The following PDE2A variants were observed in gnomAD, a reference collection of about 807,000 sequenced individuals.
The protein encoded by PDE2A is phosphodiesterase 2A, also known as cGMP-dependent 3',5'-cyclic phosphodiesterase.
A neutral mutation model predicts 133.6 loss-of-function variants in PDE2A; 53 were observed. The ratio of observed to expected loss-of-function variants is 0.40; its 90% CI spans 0.32 to 0.50. PDE2A has a LOEUF of 0.50. PDE2A is among the 20% of genes least tolerant of loss of function. The probability of loss-of-function intolerance (pLI) is 0.73; values close to 1 mark genes in which losing one functional copy is unlikely to be tolerated. For missense variants in PDE2A, 796 were observed against 1,232.4 expected (o/e 0.65, Z 5.30); for synonymous variants, 491 against 490.2 (o/e 1.00, Z -0.02).
chr11:72,584,169 A>ACCCCCCCCCCCACCCC, intron 19 of PDE2A, 32 bp downstream of exon 19: 1 of 877,936 alleles, frequency 1.1e-6, no homozygotes, highest in Non-Finnish European at 1.8e-6. Context: ...GCCCCCTATC[A>ACCCCCCCCCCCACCCC]CCCCACACCC....
intron 2 of PDE2A, among the ~76,000 whole-genome samples, chr11:72,610,383 G>A (rs1857152757): frequency 6.6e-6 from 1 of 152,210 alleles, no homozygotes; most frequent in African/African-American, 2.4e-5. Flanking sequence ...GTGCACAAGA[G>A]TGGGCTGAAT....
chr11:72,658,025 A>G, intron 1 of PDE2A: 1 of 456,352 alleles, frequency 2.2e-6, no homozygotes, highest in Non-Finnish European at 4.4e-6. Context: ...CCTGGCAGGC[A>G]TGTACCAGGC....
chr11:72,620,665 G>A (rs1049755631), intron 2 of PDE2A, among the ~76,000 whole-genome samples: 3 of 152,108 alleles, frequency 2.0e-5, no homozygotes, highest in Admixed American at 6.6e-5. Context: ...CCACCCTCCC[G>A]ACCGGGACCA....
At chr11:72,589,684 C>T in intron 11 of PDE2A, 67 bp downstream of exon 11, 2 of 1,354,146 alleles carry the variant, frequency 1.5e-6, no homozygotes, top group South Asian at 1.2e-5. Flanking sequence ...CAGGCAGATC[C>T]CAGGAGTGTC....
intron 1 of PDE2A, among the ~76,000 whole-genome samples, chr11:72,670,816 G>C (rs1276545307): frequency 6.6e-6 from 1 of 152,156 alleles, no homozygotes; most frequent in Non-Finnish European, 1.5e-5. Context: ...CTGCGGAGAA[G>C]ACCCAGGACA....
intron 1 of PDE2A, among the ~76,000 whole-genome samples, chr11:72,645,047 A>G (rs1270520885): frequency 6.6e-6 from 1 of 152,178 alleles, no homozygotes; most frequent in African/African-American, 2.4e-5. Context: ...GAGCCACTGC[A>G]CCCAGCCAAG....
intron 1 of PDE2A, among the ~76,000 whole-genome samples, chr11:72,647,173 G>A (rs1029707634): frequency 2.0e-5 from 3 of 152,214 alleles, no homozygotes; most frequent in Non-Finnish European, 2.9e-5. Context: ...TAGACTGTAA[G>A]TCTTTTCCTA....
intron 2 of PDE2A, among the ~76,000 whole-genome samples, chr11:72,615,528 G>T (rs1270501451): frequency 6.6e-6 from 1 of 152,182 alleles, no homozygotes; most frequent in Non-Finnish European, 1.5e-5. Flanking sequence ...TGAGTGTGGG[G>T]AGGGGGAGGA....
intron 2 of PDE2A, among the ~76,000 whole-genome samples, chr11:72,630,083 A>G (rs1006894990): frequency 6.6e-6 from 1 of 152,096 alleles, no homozygotes. Flanking sequence ...CCCTTTGAGC[A>G]CTGAAGAGTC....
chr11:72,644,601 C>A (rs1269436960), intron 1 of PDE2A, among the ~76,000 whole-genome samples: 2 of 152,204 alleles, frequency 1.3e-5, no homozygotes, highest in African/African-American at 2.4e-5. Context: ...GTTACTTGTT[C>A]TTCAGGGGAG....
Position 72,582,442 on chromosome 11 carries a change from A to G in PDE2A, c.1851+2T>C, listed in dbSNP as rs1183212518. The G allele has an allele frequency of 6.2e-7, 1 of 1,613,608 alleles. No homozygotes were observed. ...CCAGTCAAGTGGAGGAGAGCAACTC[A>G]CCATGGACGTGTCATCCTCGGGCAG... On this transcript the variant is annotated splice_donor_variant, in intron 21 of 30. Transcript: ENST00000334456. LOFTEE classifies it high-confidence loss of function.
At position 72,648,998 on chromosome 11, in the gene PDE2A, C is replaced by A. The variant is rs539453795; in HGVS notation, c.72-6672G>T. On this transcript the variant is annotated intron_variant, in intron 1 of 30. Transcript: ENST00000334456. The stretch of plus-strand genomic sequence containing the variant: ...CTGGCTGGAGTCATCTTTTCCACAC[C>A]TAAATCTGATTCTGCCTCACCCCCA... 2.0e-5 allele frequency among the ~76,000 whole-genome samples: 3 copies of A among 152,292 alleles called. 1 individual carries two copies. The South Asian group carries it at 6.2e-4, about 32-fold the overall frequency.
chr11:72,636,529 G>A (rs1858704273), intron 2 of PDE2A, among the ~76,000 whole-genome samples: 1 of 152,156 alleles, frequency 6.6e-6, no homozygotes, highest in South Asian at 2.1e-4. Context: ...CTCCTCTGAG[G>A]CTTTTCCAAG....
intron 2 of PDE2A, among the ~76,000 whole-genome samples, chr11:72,625,447 G>T (rs1858010349): frequency 6.6e-6 from 1 of 152,240 alleles, no homozygotes; most frequent in South Asian, 2.1e-4. Flanking sequence ...GCTGCTGAAA[G>T]CCTGAGGAGT....
At chr11:72,588,390 TC>T (rs1467348427) in intron 13 of PDE2A, among the ~76,000 whole-genome samples, 1 of 151,938 alleles carries the variant, frequency 6.6e-6, no homozygotes, top group African/African-American at 2.4e-5. Context: ...GCTCAAAAGA[TC>T]CACAGCTTTT....
chr11:72,635,306 C>T (rs909055851), intron 2 of PDE2A, among the ~76,000 whole-genome samples: 1 of 152,180 alleles, frequency 6.6e-6, no homozygotes, highest in Non-Finnish European at 1.5e-5. Flanking sequence ...GGAGGGAGCG[C>T]CCACCATTCT....
At chr11:72,629,533 A>G (rs1858265028) in intron 2 of PDE2A, among the ~76,000 whole-genome samples, 1 of 152,228 alleles carries the variant, frequency 6.6e-6, no homozygotes, top group Non-Finnish European at 1.5e-5. Context: ...CAGTAAATAA[A>G]TTAATAATGT....
chr11:72,652,546 TCTC>T (rs1565192973), intron 1 of PDE2A: 1 of 456,078 alleles, frequency 2.2e-6, no homozygotes, highest in East Asian at 7.0e-5. Flanking sequence ...GAACCCTCCT[TCTC>T]CTCTCTGTCA....
At chr11:72,584,470 G>A in intron 18 of PDE2A, 81 bp downstream of exon 18, 1 of 1,461,176 alleles carries the variant, frequency 6.8e-7, no homozygotes, top group Non-Finnish European at 9.4e-7. Context: ...GAGGCGGTGG[G>A]GAAGTGTTGC....
Sources: gnomAD v4.1 joint callset for allele counts (sites outside exome capture counted in the v4.1 genomes callset) on GRCh38, gnomAD v4.1.1 for gene constraint, MANE v1.5 for transcripts, NCBI Gene and HGNC (gene_info 2026-07-23, HGNC 2026-07-21) for gene names.